SYNPR: variants seen among roughly 807,000 people sequenced by gnomAD.
The protein encoded by SYNPR is synaptoporin.
In SYNPR, 23 loss-of-function variants were observed where a neutral mutation model predicts 32.9. That is an observed-to-expected ratio of 0.70 (90% confidence interval 0.50 to 0.99). The LOEUF is 0.99. Among genes scored for constraint, SYNPR ranks in the 50% least tolerant of loss-of-function variants. The probability of loss-of-function intolerance (pLI) is 0.00; values close to 1 mark genes in which losing one functional copy is unlikely to be tolerated. For synonymous variants in SYNPR, 146 were observed against 135.9 expected (o/e 1.07, Z -0.52); for missense variants, 318 against 349.3 (o/e 0.91, Z 0.71).
chr3:63,240,628 T>C (rs970069274), intron 1 of SYNPR, among the ~76,000 whole-genome samples: 2 of 152,114 alleles, frequency 1.3e-5, no homozygotes, highest in East Asian at 3.9e-4. Flanking sequence ...CAAGAAGCTA[T>C]TGTCCTGTAA....
chr3:63,309,973 T>C (rs2086947056), intron 2 of SYNPR, among the ~76,000 whole-genome samples: 1 of 151,892 alleles, frequency 6.6e-6, no homozygotes, highest in Non-Finnish European at 1.5e-5. Flanking sequence ...CAACAGACTG[T>C]ATTTAAAGCC....
intron 4 of SYNPR, among the ~76,000 whole-genome samples, chr3:63,594,552 CG>C (rs1699898944): frequency 6.6e-6 from 1 of 152,138 alleles, no homozygotes; most frequent in Non-Finnish European, 1.5e-5. Context: ...CAAACTCCCT[CG>C]GTTGAAATCC....
intron 2 of SYNPR, among the ~76,000 whole-genome samples, chr3:63,291,247 T>A (rs2086735578): frequency 6.6e-6 from 1 of 152,136 alleles, no homozygotes; most frequent in South Asian, 2.1e-4. Context: ...TAAAAATGGA[T>A]TAATGGCTGA....
At chr3:63,236,012 C>A (rs537874917) in intron 1 of SYNPR, among the ~76,000 whole-genome samples, 42 of 150,784 alleles carry the variant, frequency 2.8e-4, no homozygotes, top group African/African-American at 9.2e-4. Context: ...TTACATGTAA[C>A]TCCATGATCC....
chr3:63,311,287 G>A (rs2086961166), intron 2 of SYNPR, among the ~76,000 whole-genome samples: 2 of 151,952 alleles, frequency 1.3e-5, no homozygotes, highest in Non-Finnish European at 2.9e-5. Context: ...TGGGGGTAAC[G>A]GTGGTAAGGG....
intron 2 of SYNPR, among the ~76,000 whole-genome samples, chr3:63,396,153 T>C (rs2088209999): frequency 6.6e-6 from 1 of 152,216 alleles, no homozygotes; most frequent in Non-Finnish European, 1.5e-5. Flanking sequence ...GCATAGTCTT[T>C]TGTATGATAT....
At chr3:63,611,083 T>C (rs1394234477) in intron 5 of SYNPR, among the ~76,000 whole-genome samples, 1 of 152,174 alleles carries the variant, frequency 6.6e-6, no homozygotes, top group Non-Finnish European at 1.5e-5. Flanking sequence ...GTTTTTGCAG[T>C]CCACTTCTGG....
intron 3 of SYNPR, among the ~76,000 whole-genome samples, chr3:63,552,559 A>C (rs1453595414): frequency 6.6e-6 from 1 of 152,180 alleles, no homozygotes; most frequent in Non-Finnish European, 1.5e-5. Flanking sequence ...AAGGAACTTA[A>C]GGGGACTGGA....
intron 2 of SYNPR, among the ~76,000 whole-genome samples, chr3:63,396,256 G>A (rs570785485): frequency 2.0e-5 from 3 of 152,220 alleles, no homozygotes; most frequent in Admixed American, 1.3e-4. Flanking sequence ...ATATCACAAG[G>A]TTCCTCAAGA....
At chr3:63,273,818 GT>G (rs1164693682), upstream of SYNPR, among the ~76,000 whole-genome samples, 11 of 152,082 alleles carry the variant, frequency 7.2e-5, no homozygotes, top group Non-Finnish European at 1.2e-4. Flanking sequence ...ATTCTTGCAT[GT>G]TTTTTTGCAT....
intron 3 of SYNPR, among the ~76,000 whole-genome samples, chr3:63,541,567 T>C (rs992376525): frequency 1.3e-5 from 2 of 152,058 alleles, no homozygotes; most frequent in Non-Finnish European, 2.9e-5. Context: ...TTAGGGTGAA[T>C]TTTTTCTTCA....
At chr3:63,201,782 G>A in the SYNPR span, among the ~76,000 whole-genome samples, 1 of 151,942 alleles carries the variant, frequency 6.6e-6, no homozygotes, top group Non-Finnish European at 1.5e-5. Flanking sequence ...AGTGTCAAGA[G>A]GAATTATTTT....
chr3:63,207,958 G>A, the SYNPR span, among the ~76,000 whole-genome samples: 1 of 152,038 alleles, frequency 6.6e-6, no homozygotes, highest in Non-Finnish European at 1.5e-5. Flanking sequence ...TCCTAGAAGA[G>A]TACTTCAAAG....
intron 3 of SYNPR, among the ~76,000 whole-genome samples, chr3:63,493,909 T>C (rs1701306109): frequency 6.6e-6 from 1 of 151,736 alleles, no homozygotes; most frequent in Non-Finnish European, 1.5e-5. Flanking sequence ...ATTGGCATCT[T>C]AAATAATCCC....
In SYNPR at chr3:63,430,287, C is replaced by T. The variant is rs867129169; in HGVS notation, c.85-50545C>T. 2.8e-4 allele frequency among the ~76,000 whole-genome samples: 42 copies of T among 152,056 alleles called. No individual in the cohort carries two copies. The Middle Eastern group carries it at 0.01, about 37-fold the overall frequency. ...AGGCTTTTTCAAAGCATTAACACGT[C>T]TTTACATTTTATTTTAGGGTATCAG... On this transcript the variant is annotated intron_variant, in intron 2 of 5. Transcript: ENST00000478300.
chr3:63,257,540 G>A (rs1211864033), intron 2 of SYNPR, among the ~76,000 whole-genome samples: 1 of 152,052 alleles, frequency 6.6e-6, no homozygotes, highest in Non-Finnish European at 1.5e-5. Context: ...TCACCACCAG[G>A]CCTGCCCTAA....
At chr3:63,455,096 T>C (rs1253968926) in intron 2 of SYNPR, among the ~76,000 whole-genome samples, 1 of 152,138 alleles carries the variant, frequency 6.6e-6, no homozygotes, top group Non-Finnish European at 1.5e-5. Flanking sequence ...TGGCCCTAAT[T>C]TGACGTTATA....
At chr3:63,424,726 T>C (rs1699862663) in intron 2 of SYNPR, among the ~76,000 whole-genome samples, 2 of 152,298 alleles carry the variant, frequency 1.3e-5, no homozygotes, top group Non-Finnish European at 2.9e-5. Flanking sequence ...TTTGATAATA[T>C]GGGGCACTTT....
chr3:63,388,912 A>T (rs1170418218), intron 2 of SYNPR, among the ~76,000 whole-genome samples: 3 of 152,128 alleles, frequency 2.0e-5, no homozygotes, highest in Non-Finnish European at 2.9e-5. Context: ...AAAAAATGAG[A>T]TGGGGAAAAG....
Sources: gnomAD v4.1 joint callset for allele counts (sites outside exome capture counted in the v4.1 genomes callset) on GRCh38, gnomAD v4.1.1 for gene constraint, MANE v1.5 for transcripts, NCBI Gene and HGNC (gene_info 2026-07-23, HGNC 2026-07-21) for gene names.